BTNL8: variants seen among roughly 807,000 people sequenced by gnomAD.
BTNL8 encodes the protein butyrophilin like 8, also known as butyrophilin-like protein 8.
Under a neutral mutation model 36.1 loss-of-function variants are expected in BTNL8, and 22 were observed. That is an observed-to-expected ratio of 0.61 (90% confidence interval 0.44 to 0.87). The LOEUF is 0.87. BTNL8 is among the 40% of genes least tolerant of loss of function. The probability of loss-of-function intolerance (pLI) is 0.00; values close to 1 mark genes in which losing one functional copy is unlikely to be tolerated. For missense variants in BTNL8, 526 were observed against 616.9 expected, an observed-to-expected ratio of 0.85 and a Z score of 1.56; for synonymous variants, 203 against 235.6, an observed-to-expected ratio of 0.86 and a Z score of 1.27.
In BTNL8 at chr5:180,944,588, A is replaced by G. The variant is rs534964217; in HGVS notation, c.674-2924A>G. Among the ~76,000 whole-genome samples, 12 of 152,288 alleles carry G rather than the reference A, an allele frequency of 7.9e-5. No individual in the cohort carries two copies. The South Asian group carries it at 1.0e-3, about 13-fold the overall frequency. ...AAATTATATTTAAATAGCAGCAATA[A>G]GTTCCAGTCTTCTATTGCACAGTAG... On this transcript the variant is annotated intron_variant, in intron 3 of 7. Coordinates refer to ENST00000340184, the MANE Select transcript of BTNL8 (RefSeq NM_001040462.3).
chr5:180,908,887 T>C lies in BTNL8; in HGVS notation c.351T>C (p.Ser117=). The change falls in exon 2 of 8, where the codon AGT becomes AGC. Residue 117 remains serine (S), a synonymous_variant. Transcript: ENST00000340184. ...LDAGLYGCRI[S]SQSYYQKAIW... Reference sequence around the variant, plus strand: ...CTGGCCTCTATGGGTGCAGGATTAGTTCCCAGTCTTACTACCAGAAGGCCA... The same window carrying C: ...CTGGCCTCTATGGGTGCAGGATTAGCTCCCAGTCTTACTACCAGAAGGCCA... 1 of 1,614,114 alleles carries C rather than the reference T, an allele frequency of 6.2e-7. No homozygotes were observed. Among genetic ancestry groups the C allele is most frequent in the Non-Finnish European group, 8.5e-7 (1 of 1,179,972 alleles).
In BTNL8 at chr5:180,908,840, G is replaced by GA; in HGVS notation, c.308dup (p.Asn103LysfsTer15). 6.2e-7 allele frequency: 1 copy of GA among 1,614,198 alleles called. No individual in the cohort carries two copies. The highest frequency in any genetic ancestry group is 8.5e-7 in the Non-Finnish European group (1 of 1,180,040). On this transcript the variant is annotated frameshift_variant, in exon 2 of 8. Coordinates refer to ENST00000340184, the MANE Select transcript of BTNL8 (RefSeq NM_001040462.3). LOFTEE classifies it high-confidence loss of function. ...GGAGGGGCGCATCTCTCTGAGGCTGGAAAACATTACTGTGTTGGATGCTGG... is the reference window on the plus strand; with the variant it reads ...GGAGGGGCGCATCTCTCTGAGGCTGGAAAAACATTACTGTGTTGGATGCTGG...
At chr5:180,902,515 G>GT in intron 1 of BTNL8, 1 of 1,058,784 alleles carries the variant, frequency 9.4e-7, no homozygotes, top group Admixed American at 2.6e-5. Flanking sequence ...ACACTATAAA[G>GT]GGTTTTTTTT....
chr5:180,916,373 GA>G (rs1205401934), intron 3 of BTNL8, among the ~76,000 whole-genome samples: 1 of 150,554 alleles, frequency 6.6e-6, no homozygotes, highest in Non-Finnish European at 1.5e-5. Context: ...TCTACATTAA[GA>G]AAAAAGAAAG....
chr5:180,926,029 C>A (rs1056509169), intron 3 of BTNL8, among the ~76,000 whole-genome samples: 1 of 152,194 alleles, frequency 6.6e-6, no homozygotes, highest in African/African-American at 2.4e-5. Context: ...CAGGCGGTGG[C>A]TGGCAAGATG....
At chr5:180,934,895 C>T (rs1466133371) in intron 3 of BTNL8, among the ~76,000 whole-genome samples, 3 of 152,024 alleles carry the variant, frequency 2.0e-5, no homozygotes, top group Admixed American at 2.0e-4. Flanking sequence ...TCAGTGGTTC[C>T]CAAGTTCTTG....
At chr5:180,925,447 T>C (rs1758051654) in intron 3 of BTNL8, among the ~76,000 whole-genome samples, 1 of 152,186 alleles carries the variant, frequency 6.6e-6, no homozygotes, top group Admixed American at 6.5e-5. Flanking sequence ...CCAATATGGT[T>C]TTCAGCCTTT....
At chr5:180,918,752 G>A (rs955008115) in intron 3 of BTNL8, among the ~76,000 whole-genome samples, 1 of 152,186 alleles carries the variant, frequency 6.6e-6, no homozygotes, top group Non-Finnish European at 1.5e-5. Flanking sequence ...AGAAAGGCAG[G>A]ACAACTTGAA....
intron 3 of BTNL8, among the ~76,000 whole-genome samples, chr5:180,912,089 G>A (rs537890556): frequency 6.6e-6 from 1 of 152,314 alleles, no homozygotes; most frequent in South Asian, 2.1e-4. Flanking sequence ...ATCTTGCATA[G>A]TAGCCTTTTA....
At chr5:180,942,317 C>A (rs7736670) in intron 3 of BTNL8, among the ~76,000 whole-genome samples, 1 of 152,026 alleles carries the variant, frequency 6.6e-6, no homozygotes, top group African/African-American at 2.4e-5. Context: ...AAAAGATACC[C>A]CATGTTCCTG....
intron 1 of BTNL8, among the ~76,000 whole-genome samples, chr5:180,907,835 G>C (rs1359826928): frequency 9.3e-5 from 14 of 151,294 alleles, no homozygotes; most frequent in Non-Finnish European, 1.9e-4. Flanking sequence ...CTGCTCGGGG[G>C]TCAGGGGTCA....
chr5:180,932,306 G>C (rs1460316522), intron 3 of BTNL8, among the ~76,000 whole-genome samples: 1 of 152,198 alleles, frequency 6.6e-6, no homozygotes, highest in Non-Finnish European at 1.5e-5. Flanking sequence ...GTATACCTAT[G>C]TAACAAACCT....
At chr5:180,899,438 G>A in intron 1 of BTNL8, 79 bp downstream of exon 1, 1 of 1,477,264 alleles carries the variant, frequency 6.8e-7, no homozygotes, top group East Asian at 2.3e-5. Flanking sequence ...ATAATGGAAT[G>A]AAGGCATCTT....
At position 180,949,710 on chromosome 5, in the gene BTNL8, T is replaced by G. The variant is rs1340582800; in HGVS notation, c.863-194T>G. On this transcript the variant is annotated intron_variant, in intron 7 of 7. Coordinates refer to ENST00000340184, the MANE Select transcript of BTNL8 (RefSeq NM_001040462.3). ...GATTGGGACGTCATATTGAGACATA[T>G]CTAGACATTGATGAGTCCTCCAGGC... The G allele has an allele frequency of 2.9e-6, 2 of 683,060 alleles. 1 individual carries two copies. Among genetic ancestry groups the G allele is most frequent in the Non-Finnish European group, 4.7e-6 (2 of 422,900 alleles). 42.3% of individuals were successfully genotyped at this position (683,060 alleles called of 1,614,324 possible).
At chr5:180,932,017 A>T (rs1160467438) in intron 3 of BTNL8, among the ~76,000 whole-genome samples, 1 of 152,240 alleles carries the variant, frequency 6.6e-6, no homozygotes, top group East Asian at 1.9e-4. Context: ...ACATATGTTT[A>T]TTGCAGCACT....
At chr5:180,929,788 C>T (rs1015258515) in intron 3 of BTNL8, among the ~76,000 whole-genome samples, 9 of 152,292 alleles carry the variant, frequency 5.9e-5, no homozygotes, top group Admixed American at 5.9e-4. Flanking sequence ...CCTGAATAGA[C>T]CAATAACAAG....
intron 2 of BTNL8, among the ~76,000 whole-genome samples, chr5:180,910,249 G>GAA (rs145852463): frequency 1.9e-4 from 27 of 142,552 alleles, no homozygotes; most frequent in Admixed American, 6.2e-4. Context: ...AAAGCAAAAA[G>GAA]AAAAAAAAAA....
chr5:180,930,805 TAA>T (rs1758338764), intron 3 of BTNL8, among the ~76,000 whole-genome samples: 1 of 151,934 alleles, frequency 6.6e-6, no homozygotes, highest in African/African-American at 2.4e-5. Flanking sequence ...TCAAAGGAAA[TAA>T]GAGAGGACAC....
chr5:180,909,604 G>C, intron 2 of BTNL8: 4 of 984,316 alleles, frequency 4.1e-6, no homozygotes, highest in Non-Finnish European at 4.8e-6. Context: ...ACGGGGCTGG[G>C]TGCAGTGGCT....
Sources: gnomAD v4.1 joint callset for allele counts (sites outside exome capture counted in the v4.1 genomes callset) on GRCh38, gnomAD v4.1.1 for gene constraint, MANE v1.5 for transcripts, NCBI Gene and HGNC (gene_info 2026-07-23, HGNC 2026-07-21) for gene names.